Variants in DYSF observed in about 807,000 individuals in gnomAD.
DYSF encodes the protein dystrophy-associated fer-1-like 1.
Under a neutral mutation model 274.9 loss-of-function variants are expected in DYSF, and 212 were observed. The observed-to-expected ratio is 0.77, with a 90% CI of 0.69 to 0.86. The LOEUF (loss-of-function observed/expected upper bound fraction) is 0.86, where lower values mean the gene tolerates loss of function less well. DYSF is among the 40% of genes least tolerant of loss of function. The pLI is 0.00. For missense variants in DYSF, 2,666 were observed against 2,783.2 expected (o/e 0.96, Z 0.95); for synonymous variants, 1,091 against 1,078.7 (o/e 1.01, Z -0.22).
At chr2:71,466,577 C>A, upstream of DYSF, 1 of 1,118,960 alleles carries the variant, frequency 8.9e-7, no homozygotes, top group Non-Finnish European at 1.1e-6. Flanking sequence ...CACAGGCGCC[C>A]GTCTGACCCC....
At chr2:71,647,084 T>C (rs192773673) in intron 42 of DYSF, among the ~76,000 whole-genome samples, 151 of 152,248 alleles carry the variant, frequency 9.9e-4, no homozygotes, top group Middle Eastern at 3.4e-3. Flanking sequence ...TAAACTGATA[T>C]CTCACACTTG....
intron 22 of DYSF, among the ~76,000 whole-genome samples, chr2:71,558,854 C>T (rs1419453299): frequency 6.6e-6 from 1 of 152,244 alleles, no homozygotes; most frequent in Admixed American, 6.5e-5. Context: ...GCAATTCGCT[C>T]AGCTCCACCT....
intron 51 of DYSF, among the ~76,000 whole-genome samples, chr2:71,673,623 C>T (rs1009901218): frequency 6.6e-6 from 1 of 152,022 alleles, no homozygotes; most frequent in African/African-American, 2.4e-5. Flanking sequence ...GTTACCCCAC[C>T]CTGACCCTGA....
chr2:71,531,679 G>A (rs752455361), intron 14 of DYSF, among the ~76,000 whole-genome samples: 3 of 151,870 alleles, frequency 2.0e-5, no homozygotes, highest in Admixed American at 6.6e-5. Context: ...TTTTCTTGGC[G>A]ACTTCGCTGT....
rs1231140532 is a variant in DYSF, at chr2:71,526,269, T to C, written c.1199T>C (p.Leu400Pro). Residue 400 changes from leucine (L) to proline (P), a missense_variant, in exon 13 of 56, where the codon CTG (leucine) becomes CCG (proline). This residue lies in a region of DYSF where 794 missense variants were observed against 777.1 expected (regional missense o/e 1.02). Transcript: ENST00000410020. ...GACAAGGAGGACATTGAAAGCAACC[T>C]GCTCCGGCCCACAGGCGTAGCCCTG... The part of the protein sequence containing the change: ...SEDKEDIESN[L>P]LRPTGVALRG... The C allele has an allele frequency of 6.2e-7, 1 of 1,614,246 alleles. No homozygotes were observed. Among genetic ancestry groups the C allele is most frequent in the African/African-American group, 1.3e-5 (1 of 75,068 alleles).
chr2:71,533,175 A>G (rs559830050), intron 14 of DYSF, among the ~76,000 whole-genome samples: 1 of 152,206 alleles, frequency 6.6e-6, no homozygotes, highest in East Asian at 1.9e-4. Context: ...ATGTGACACC[A>G]CTTCCAGCTA....
chr2:71,505,449 G>T (rs548923777), intron 4 of DYSF, among the ~76,000 whole-genome samples: 2 of 152,344 alleles, frequency 1.3e-5, no homozygotes, highest in South Asian at 4.1e-4. Flanking sequence ...GGGGTGATAC[G>T]AGTGAACACA....
intron 41 of DYSF, 93 bp from the exon 42 acceptor site, chr2:71,643,872 C>T (rs769424824): frequency 6.8e-5 from 64 of 940,644 alleles, no homozygotes; most frequent in East Asian, 3.4e-4. Flanking sequence ...TGGTCCAGAG[C>T]GGCCTAGCAG....
At chr2:71,478,235 A>G (rs1249597010) in intron 1 of DYSF, among the ~76,000 whole-genome samples, 1 of 147,536 alleles carries the variant, frequency 6.8e-6, no homozygotes, top group African/African-American at 2.5e-5. Flanking sequence ...TTTTTGAGGC[A>G]GAGTCTCACT....
At chr2:71,560,137 C>CCGTAGG (rs1450320544) in intron 22 of DYSF, among the ~76,000 whole-genome samples, 1 of 152,228 alleles carries the variant, frequency 6.6e-6, no homozygotes, top group Non-Finnish European at 1.5e-5. Context: ...CCCCTTCTTT[C>CCGTAGG]CGTACCCCCT....
rs931174858 is a variant in DYSF at position 71,466,897 on chromosome 2, C to G, written c.55C>G (p.Arg19Gly). Residue 19 changes from arginine to glycine, a missense_variant, in exon 1 of 56, where the codon CGG becomes GGG. Around this residue, in one of 3 missense-constraint regions of DYSF, gnomAD observed 794 missense variants for 777.1 expected, o/e 1.02. Transcript: ENST00000410020. ...ASNLPSAKKD[R>G]RSDPVASLTF... The stretch of plus-strand genomic sequence containing the variant: ...CAACCTCCCCAGTGCGAAGAAGGAC[C>G]GGCGCAGCGACCCTGTCGCAAGCCT... The G allele has an allele frequency of 2.6e-6, 4 of 1,549,948 alleles. No homozygotes were observed. The highest frequency in any genetic ancestry group is 2.4e-5 in the East Asian group (1 of 40,882).
At position 71,570,203 on chromosome 2, in the gene DYSF, G is replaced by A. The variant is rs780816441; in HGVS notation, c.2980-26G>A. 2.5e-5 allele frequency: 40 copies of A among 1,600,114 alleles called. No individual in the cohort carries two copies. The African/African-American group carries it at 3.2e-4, about 13-fold the overall frequency. ...TCACATCTGTCTGTCTCCTCTCATTGCTTGCCTGTTCGGTTTTGTCCTTAG... is the reference window on the plus strand; with the variant it reads ...TCACATCTGTCTGTCTCCTCTCATTACTTGCCTGTTCGGTTTTGTCCTTAG... On this transcript the variant is annotated intron_variant, in intron 27 of 55. Coordinates refer to ENST00000410020, the MANE Select transcript of DYSF (RefSeq NM_001130987.2).
At chr2:71,658,734 G>A (rs749031003) in intron 43 of DYSF, 144 bp from the exon 44 acceptor site, 176 of 921,418 alleles carry the variant, frequency 1.9e-4, no homozygotes, top group Non-Finnish European at 2.6e-4. Flanking sequence ...TGGCCCCCAT[G>A]ATTCAATTAT....
At chr2:71,508,916 G>A (rs1447913223) in intron 4 of DYSF, among the ~76,000 whole-genome samples, 2 of 152,148 alleles carry the variant, frequency 1.3e-5, no homozygotes, top group African/African-American at 4.8e-5. Context: ...GCAGTGGCAC[G>A]ATCCTGGCTC....
intron 17 of DYSF, among the ~76,000 whole-genome samples, chr2:71,546,075 ACT>A (rs2090442455): frequency 6.6e-6 from 1 of 152,018 alleles, no homozygotes; most frequent in South Asian, 2.1e-4. Context: ...GTCCTTGATG[ACT>A]CTCGGACTCT....
At chr2:71,599,241 T>C (rs545565041) in intron 33 of DYSF, among the ~76,000 whole-genome samples, 4 of 152,280 alleles carry the variant, frequency 2.6e-5, no homozygotes, top group East Asian at 1.9e-4. Flanking sequence ...TTACCACAAC[T>C]GTCCCACAGG....
chr2:71,507,248 G>A (rs182843964), intron 4 of DYSF, among the ~76,000 whole-genome samples: 1 of 152,242 alleles, frequency 6.6e-6, no homozygotes, highest in Non-Finnish European at 1.5e-5. Flanking sequence ...AAACAGGAAG[G>A]GGCGCTCTTC....
At chr2:71,469,359 G>T (rs2152650215) in intron 1 of DYSF, among the ~76,000 whole-genome samples, 1 of 152,280 alleles carries the variant, frequency 6.6e-6, no homozygotes, top group Admixed American at 6.5e-5. Context: ...CAACCTCCCT[G>T]CCTGCCTTTT....
chr2:71,551,474 A>G (rs1481529683), intron 18 of DYSF, 133 bp from the exon 19 acceptor site: 4 of 747,448 alleles, frequency 5.4e-6, no homozygotes, highest in Non-Finnish European at 9.1e-6. Context: ...CCTCACCTGC[A>G]GGGGGGATGA....
Sources: allele counts gnomAD v4.1 joint callset (sites outside exome capture counted in the v4.1 genomes callset), GRCh38; gene constraint gnomAD v4.1.1; regional missense constraint gnomAD v4.1.1; transcripts MANE v1.5; gene names NCBI Gene and HGNC (gene_info 2026-07-23, HGNC 2026-07-21).